The following SEC22C variants were observed in gnomAD, a reference collection of about 807,000 sequenced individuals.
SEC22C encodes SEC22 homolog C, vesicle trafficking protein, also known as vesicle-trafficking protein SEC22c.
In SEC22C, 29 loss-of-function variants were observed where a neutral mutation model predicts 34.7. That is an observed-to-expected ratio of 0.84 (90% CI 0.62 to 1.14). The LOEUF (loss-of-function observed/expected upper bound fraction) is 1.14. Ranked by LOEUF, SEC22C falls within the 50% of genes most tolerant of loss-of-function variation. The pLI is 0.00. For synonymous variants in SEC22C, 117 were observed against 132.8 expected, an observed-to-expected ratio of 0.88 and a Z score of 0.82; for missense variants, 337 against 369.0, an observed-to-expected ratio of 0.91 and a Z score of 0.71.
Position 42,553,276 on chromosome 3 carries a change from T to C in SEC22C, c.884A>G (p.Gln295Arg). 3 of 1,614,144 alleles carry C rather than the reference T, an allele frequency of 1.9e-6. No individual in the cohort carries two copies. Among genetic ancestry groups the C allele is most frequent in the Non-Finnish European group, 2.5e-6 (3 of 1,179,996 alleles). ...TACTCCACAGTCAGACTGCTTCTCC[T>C]GAAGCTGCCTTGTTAGTATCTGATA... ...SSYQILTRQLQEKQSDCGV is the reference protein window; with the variant it reads ...SSYQILTRQLREKQSDCGV The change falls in exon 7 of 7, where the codon CAG becomes CGG. Residue 295 changes from glutamine (Q) to arginine (R), a missense_variant. Gln to Arg is a conservative substitution (Grantham distance 43). Transcript: ENST00000264454.
Position 42,552,223 on chromosome 3 carries a change from C to A in SEC22C, c.*1025G>T. On this transcript the variant is annotated 3_prime_UTR_variant, in exon 7 of 7. Transcript: ENST00000264454. ...TAACTCTTGTTCATAAAAAATGAGG[C>A]CCTCAAGCTAATTAAGATGACTGGG... 4.1e-6 allele frequency: 4 copies of A among 985,246 alleles called. No individual in the cohort carries two copies. The highest frequency in any genetic ancestry group is 3.6e-6 in the Non-Finnish European group (3 of 829,850). The allele number at this position is 985,246 out of a possible 1,614,324, so 61.0% of individuals were successfully genotyped here.
At chr3:42,591,008 G>C (rs1433843017) in intron 1 of SEC22C, 1 of 1,551,262 alleles carries the variant, frequency 6.4e-7, no homozygotes, top group Admixed American at 1.9e-5. Flanking sequence ...GAGAGAAGTC[G>C]GGATCCCGAG....
chr3:42,586,035 C>G (rs953351005), upstream of SEC22C, among the ~76,000 whole-genome samples: 1 of 152,128 alleles, frequency 6.6e-6, no homozygotes, highest in African/African-American at 2.4e-5. Context: ...AACTCCTCTC[C>G]TTCCAGCTAC....
At chr3:42,560,156 A>C (rs1023850518) in intron 4 of SEC22C, among the ~76,000 whole-genome samples, 3 of 145,644 alleles carry the variant, frequency 2.1e-5, no homozygotes, top group Non-Finnish European at 4.5e-5. Flanking sequence ...ATTGTTTTAT[A>C]TATATTATAT....
intron 4 of SEC22C, among the ~76,000 whole-genome samples, chr3:42,560,493 A>G (rs1283514419): frequency 6.6e-6 from 1 of 150,532 alleles, no homozygotes; most frequent in African/African-American, 2.4e-5. Context: ...GGGCTGTAAC[A>G]TGGTGAAACC....
At chr3:42,555,852 A>C in intron 6 of SEC22C, 78 bp downstream of exon 6, 8 of 1,206,302 alleles carry the variant, frequency 6.6e-6, no homozygotes, top group Non-Finnish European at 9.8e-6. Context: ...TCACATCTAG[A>C]AACTTGCTGA....
intron 1 of SEC22C, chr3:42,590,984 CG>C: frequency 2.8e-5 from 2 of 70,508 alleles, no homozygotes; most frequent in Non-Finnish European, 2.8e-5. Flanking sequence ...TCCACGCGGG[CG>C]GGCGGGCGGG....
chr3:42,554,993 C>CAA (rs568831806), intron 6 of SEC22C, among the ~76,000 whole-genome samples: 6 of 142,688 alleles, frequency 4.2e-5, no homozygotes, highest in African/African-American at 1.6e-4. Flanking sequence ...ACAACAACAA[C>CAA]AACAAAAAAA....
chr3:42,558,652 T>A (rs1467886497), intron 4 of SEC22C, among the ~76,000 whole-genome samples: 1 of 150,232 alleles, frequency 6.7e-6, no homozygotes, highest in African/African-American at 2.5e-5. Flanking sequence ...ATTAGCCAGG[T>A]GTGGTGGTAT....
Position 42,548,548 on chromosome 3 carries a change from A to C in SEC22C, c.*4700T>G, listed in dbSNP as rs372421177. ...GCTGATGAGATTTCCCCAGCAGCAGAAGTTTGACATCACTGCTCCCGGATG... is the reference window on the plus strand; with the variant it reads ...GCTGATGAGATTTCCCCAGCAGCAGCAGTTTGACATCACTGCTCCCGGATG... On this transcript the variant is annotated 3_prime_UTR_variant, in exon 7 of 7. Coordinates refer to ENST00000264454, the MANE Select transcript of SEC22C (RefSeq NM_032970.4). 9.9e-5 allele frequency: 155 copies of C among 1,569,730 alleles called. 1 individual carries two copies. The African/African-American group carries it at 1.9e-3, about 19-fold the overall frequency.
At chr3:42,599,650 C>A (rs1472282834) in intron 1 of SEC22C, among the ~76,000 whole-genome samples, 1 of 151,382 alleles carries the variant, frequency 6.6e-6, no homozygotes, top group South Asian at 2.1e-4. Context: ...CGAGATCCCG[C>A]CACTGCACTC....
In SEC22C at chr3:42,549,395, G is replaced by C. The variant is rs891989090; in HGVS notation, c.*3853C>G. 2 of 985,474 alleles carry C rather than the reference G, an allele frequency of 2.0e-6. No homozygotes were observed. The highest frequency in any genetic ancestry group is 6.1e-5 in the Admixed American group (1 of 16,268). 61.0% of individuals were successfully genotyped at this position (985,474 alleles called of 1,614,324 possible). A position where few individuals can be genotyped will look rare whatever the true frequency, so the allele number is the denominator to read the frequency against. ...CAGCAAATAGCAGCCCTGGCTACAA[G>C]GTGCAGTGTGCAACCCCCATATGCC... On this transcript the variant is annotated 3_prime_UTR_variant, in exon 7 of 7. Coordinates refer to ENST00000264454, the MANE Select transcript of SEC22C (RefSeq NM_032970.4).
At chr3:42,561,054 T>C (rs1702870238) in intron 4 of SEC22C, 63 bp downstream of exon 4, 5 of 1,503,752 alleles carry the variant, frequency 3.3e-6, no homozygotes, top group Non-Finnish European at 4.5e-6. Flanking sequence ...AAAAAAAAAA[T>C]CAACGTCCAT....
intron 1 of SEC22C, among the ~76,000 whole-genome samples, chr3:42,595,413 T>C (rs1380489672): frequency 1.3e-5 from 2 of 152,248 alleles, no homozygotes; most frequent in African/African-American, 2.4e-5. Context: ...TCCTGTAAAC[T>C]AGTAGATCTA....
chr3:42,566,176 C>T (rs978863248), intron 2 of SEC22C, among the ~76,000 whole-genome samples: 1 of 152,174 alleles, frequency 6.6e-6, no homozygotes, highest in Non-Finnish European at 1.5e-5. Flanking sequence ...GCAGGTGCAA[C>T]TCAGTGTTTG....
chr3:42,559,910 CAT>C (rs1702769550), intron 4 of SEC22C, among the ~76,000 whole-genome samples: 2 of 151,904 alleles, frequency 1.3e-5, no homozygotes, highest in South Asian at 4.1e-4. Flanking sequence ...TCTTCCTTCA[CAT>C]GAGGTCTCTG....
At chr3:42,574,363 C>CAA (rs202174342) in intron 1 of SEC22C, among the ~76,000 whole-genome samples, 11,213 of 87,598 alleles carry the variant, frequency 0.13, 607 homozygotes, top group African/African-American at 0.15. Flanking sequence ...GACCCTGTCT[C>CAA]AAAAAAAAAA....
chr3:42,552,863 T>G lies in SEC22C; in HGVS notation c.*385A>C. On this transcript the variant is annotated 3_prime_UTR_variant, in exon 7 of 7. Transcript: ENST00000264454. ...CTGAAAGCTGATTTGGATTTTAAAG[T>G]GGTTCCTTGGAGACAACTCTCAATG... 3 of 1,025,836 alleles carry G rather than the reference T, an allele frequency of 2.9e-6. No homozygotes were observed. The highest frequency in any genetic ancestry group is 3.5e-6 in the Non-Finnish European group (3 of 856,168). 63.5% of individuals were successfully genotyped at this position (1,025,836 alleles called of 1,614,324 possible). A position where few individuals can be genotyped will look rare whatever the true frequency, so the allele number is the denominator to read the frequency against.
At chr3:42,600,893 G>A in intron 1 of SEC22C, 2 of 758,366 alleles carry the variant, frequency 2.6e-6, no homozygotes, top group Non-Finnish European at 3.8e-6. Flanking sequence ...GAGGCACCGT[G>A]GCGCGGACTT....
Sources: gnomAD v4.1 joint callset for allele counts (sites outside exome capture counted in the v4.1 genomes callset) on GRCh38, gnomAD v4.1.1 for gene constraint, MANE v1.5 for transcripts, NCBI Gene and HGNC (gene_info 2026-07-23, HGNC 2026-07-21) for gene names.